Variants in DACH1 observed in about 807,000 individuals in gnomAD.
DACH1 encodes the protein dachshund family transcription factor 1.
In DACH1, 12 loss-of-function variants were observed where a neutral mutation model predicts 54.2. The observed-to-expected ratio is 0.22, with a 90% confidence interval of 0.14 to 0.36. The LOEUF (loss-of-function observed/expected upper bound fraction) is 0.36, where lower values mean the gene tolerates loss of function less well. DACH1 is among the 10% of genes least tolerant of loss of function. DACH1 has a pLI of 1.00. For missense variants in DACH1, 805 were observed against 929.8 expected, an observed-to-expected ratio of 0.87 and a Z score of 1.75; for synonymous variants, 386 against 366.2, an observed-to-expected ratio of 1.05 and a Z score of -0.62.
intron 1 of DACH1, among the ~76,000 whole-genome samples, chr13:71,801,349 A>G (rs1887280816): frequency 1.3e-5 from 2 of 152,132 alleles, no homozygotes; most frequent in Admixed American, 6.6e-5. Context: ...TTGTAGATTG[A>G]CAAGCAATTT....
chr13:71,653,441 T>G (rs573129802), intron 2 of DACH1, among the ~76,000 whole-genome samples: 1 of 152,306 alleles, frequency 6.6e-6, no homozygotes, highest in African/African-American at 2.4e-5. Flanking sequence ...TCCTCTTATC[T>G]CAGAAGGCTC....
intron 1 of DACH1, among the ~76,000 whole-genome samples, chr13:71,850,997 G>A (rs1281077413): frequency 6.6e-6 from 1 of 152,216 alleles, no homozygotes; most frequent in East Asian, 1.9e-4. Flanking sequence ...ATGTGTGTAT[G>A]TGCGCATTTG....
intron 6 of DACH1, among the ~76,000 whole-genome samples, chr13:71,535,206 A>G (rs1479378853): frequency 2.0e-5 from 3 of 151,898 alleles, no homozygotes; most frequent in African/African-American, 7.2e-5. Flanking sequence ...AATGTATAAT[A>G]CTGATTAAGG....
intron 1 of DACH1, among the ~76,000 whole-genome samples, chr13:71,799,302 G>A (rs1431072316): frequency 1.3e-5 from 2 of 152,078 alleles, no homozygotes; most frequent in Non-Finnish European, 1.5e-5. Flanking sequence ...AATAAATGCA[G>A]TCTTTATAAC....
intron 7 of DACH1, among the ~76,000 whole-genome samples, chr13:71,485,474 A>C (rs1056470080): frequency 6.7e-6 from 1 of 149,618 alleles, no homozygotes; most frequent in Non-Finnish European, 1.5e-5. Flanking sequence ...TAAATTTCTA[A>C]ATATAAAATT....
intron 2 of DACH1, chr13:71,675,096 G>C: frequency 1.3e-6 from 2 of 1,564,840 alleles, no homozygotes; most frequent in Middle Eastern, 1.7e-4. Flanking sequence ...CCCGCAAATC[G>C]ACCGGTGGTA....
At chr13:71,709,119 C>T (rs1882592671) in intron 1 of DACH1, among the ~76,000 whole-genome samples, 1 of 152,046 alleles carries the variant, frequency 6.6e-6, no homozygotes, top group African/African-American at 2.4e-5. Context: ...TCCCAAAGTG[C>T]TGGGATTACA....
intron 1 of DACH1, among the ~76,000 whole-genome samples, chr13:71,693,742 G>A (rs952472356): frequency 1.3e-5 from 2 of 151,976 alleles, no homozygotes; most frequent in African/African-American, 2.4e-5. Context: ...TACAGTGTAT[G>A]GTTATACTTG....
chr13:71,522,645 C>T (rs1180672587), intron 6 of DACH1, among the ~76,000 whole-genome samples: 1 of 152,024 alleles, frequency 6.6e-6, no homozygotes, highest in Admixed American at 6.6e-5. Flanking sequence ...ATCTCTATTT[C>T]ATGGCACAAT....
chr13:71,495,832 C>T (rs751960027), intron 6 of DACH1, among the ~76,000 whole-genome samples: 1 of 152,062 alleles, frequency 6.6e-6, no homozygotes. Context: ...GGAAAGAAAT[C>T]GTTATATCAA....
chr13:71,670,247 T>C (rs1431111209), intron 2 of DACH1, among the ~76,000 whole-genome samples: 1 of 152,202 alleles, frequency 6.6e-6, no homozygotes, highest in Non-Finnish European at 1.5e-5. Flanking sequence ...TTCAATTTAT[T>C]GAATTAGGTT....
intron 1 of DACH1, among the ~76,000 whole-genome samples, chr13:71,847,131 T>C (rs924255175): frequency 1.3e-5 from 2 of 152,182 alleles, no homozygotes; most frequent in Non-Finnish European, 2.9e-5. Context: ...TCTATATGTT[T>C]ATGCTTAAAC....
At chr13:71,646,205 C>T (rs560466360) in intron 2 of DACH1, among the ~76,000 whole-genome samples, 4 of 151,716 alleles carry the variant, frequency 2.6e-5, no homozygotes, top group Non-Finnish European at 5.9e-5. Context: ...GGCATGGTGG[C>T]GGGTGCCTGT....
At chr13:71,546,403 T>A (rs938727169) in intron 6 of DACH1, among the ~76,000 whole-genome samples, 24 of 152,028 alleles carry the variant, frequency 1.6e-4, no homozygotes, top group Non-Finnish European at 2.9e-4. Flanking sequence ...ATGTATTTAA[T>A]AAATGGCTCC....
In DACH1 at chr13:71,535,822, A is replaced by T. The variant is rs570893786; in HGVS notation, c.1570+21202T>A. 1.6e-3 allele frequency among the ~76,000 whole-genome samples: 239 copies of T among 152,064 alleles called. 2 individuals carry two copies. Among genetic ancestry groups the T allele is most frequent in the East Asian group, 3.9e-3 (20 of 5,182 alleles). On this transcript the variant is annotated intron_variant, in intron 6 of 10. Coordinates refer to ENST00000613252, the MANE Select transcript of DACH1 (RefSeq NM_080759.6). ...TAAGCTATCTTATATGATTTTTTTT[A>T]AAAATGTTTTGAACAATAGTTTAAC... is the stretch of plus-strand genomic sequence containing the variant.
intron 3 of DACH1, among the ~76,000 whole-genome samples, chr13:71,585,938 G>C (rs1291143534): frequency 6.6e-6 from 1 of 152,102 alleles, no homozygotes; most frequent in Non-Finnish European, 1.5e-5. Context: ...TATCATTAGA[G>C]TTTTCTAAGA....
intron 6 of DACH1, among the ~76,000 whole-genome samples, chr13:71,530,823 C>A (rs553212907): frequency 6.6e-6 from 1 of 152,026 alleles, no homozygotes; most frequent in Non-Finnish European, 1.5e-5. Flanking sequence ...AAGGTAAAGA[C>A]CTCAGATTTC....
intron 6 of DACH1, among the ~76,000 whole-genome samples, chr13:71,502,566 G>A (rs936410464): frequency 4.6e-5 from 7 of 152,114 alleles, no homozygotes; most frequent in South Asian, 2.1e-4. Flanking sequence ...TCTACTTAAG[G>A]ATTTTTAAAG....
At position 71,817,795 on chromosome 13, in the gene DACH1, T is replaced by TTTCC. The variant is rs1463648098; in HGVS notation, c.848+48126_848+48127insGGAA. ...CTTAGTGTGGCTACTAAATATTTTCTTTCTTTCTTTCTTTCTTCCTTTTTT... is the reference window on the plus strand; with the variant it reads ...CTTAGTGTGGCTACTAAATATTTTCTTTCCTTCTTTCTTTCTTTCTTCCTTTTTT... On this transcript the variant is annotated intron_variant, in intron 1 of 10. Transcript: ENST00000613252. Among the ~76,000 whole-genome samples the TTTCC allele has an allele frequency of 8.9e-5, 13 of 145,942 alleles. No individual in the cohort carries two copies. The Admixed American group carries it at 9.2e-4, about 10-fold the overall frequency.
Sources: gnomAD v4.1 joint callset for allele counts (sites outside exome capture counted in the v4.1 genomes callset) on GRCh38, gnomAD v4.1.1 for gene constraint, MANE v1.5 for transcripts, NCBI Gene and HGNC (gene_info 2026-07-23, HGNC 2026-07-21) for gene names.